The following SLF1 variants were observed in gnomAD, a reference collection of about 807,000 sequenced individuals.
SLF1 encodes SMC5-SMC6 complex localization factor protein 1.
A neutral mutation model predicts 123.0 loss-of-function variants in SLF1; 105 were observed. The observed-to-expected ratio is 0.85, with a 90% CI of 0.73 to 1.00. The LOEUF (loss-of-function observed/expected upper bound fraction) is 1.00. Among genes scored for constraint, SLF1 ranks in the 50% least tolerant of loss-of-function variants. The pLI is 0.00. For synonymous variants in SLF1, 434 were observed against 406.6 expected, an observed-to-expected ratio of 1.07 and a Z score of -0.81; for missense variants, 1,239 against 1,223.0, an observed-to-expected ratio of 1.01 and a Z score of -0.20.
Position 94,678,936 on chromosome 5 carries a change from T to C in SLF1, c.1956T>C (p.Tyr652=), listed in dbSNP as rs755408964. The C allele has an allele frequency of 1.3e-4, 209 of 1,613,200 alleles. No homozygotes were observed. The highest frequency in any genetic ancestry group is 1.7e-4 in the Non-Finnish European group (199 of 1,179,670). ...ACATGTCTGATGACTTAGGAAGTTA[T>C]GTTTCTCTTTCGTGTGATGGTAAGT... ...MRHMSDDLGS[Y]VSLSCDDFSS... Residue 652 remains tyrosine (Y), a synonymous_variant, in exon 15 of 21, where the codon TAT becomes TAC. Coordinates refer to ENST00000265140, the MANE Select transcript of SLF1 (RefSeq NM_032290.4).
At chr5:94,649,078 C>A (rs762278514) in intron 5 of SLF1, among the ~76,000 whole-genome samples, 5 of 152,118 alleles carry the variant, frequency 3.3e-5, no homozygotes. Flanking sequence ...CAGGAAAAAA[C>A]TGAAAAATAA....
chr5:94,691,397 C>T, intron 18 of SLF1, 167 bp from the exon 19 acceptor site: 1 of 214,842 alleles, frequency 4.7e-6, no homozygotes, highest in Non-Finnish European at 9.1e-6. Context: ...CTTCCCACCC[C>T]CCACCCCCGC....
intron 9 of SLF1, among the ~76,000 whole-genome samples, chr5:94,658,038 A>T (rs1748616151): frequency 6.6e-6 from 1 of 151,970 alleles, no homozygotes; most frequent in African/African-American, 2.4e-5. Context: ...TAATCCATCT[A>T]CATTCAAGGT....
Position 94,628,842 on chromosome 5 carries a change from A to G in SLF1, c.32A>G (p.Gln11Arg), listed in dbSNP as rs1744901186. Residue 11 changes from glutamine (Q) to arginine (R), a missense_variant, in exon 2 of 21, where the codon CAG (glutamine) becomes CGG (arginine). By Grantham distance (43) the Gln-to-Arg change is conservative. Transcript: ENST00000265140. The stretch of plus-strand genomic sequence containing the variant: ...GATGGTACCCCAAAGCATATCATCC[A>G]GATGACAGGATTTAAGATGGAAGAA... MEDGTPKHII[Q>R]MTGFKMEEKE... is the part of the protein sequence containing the mutation. 1 of 1,549,376 alleles carries G rather than the reference A, an allele frequency of 6.5e-7. No homozygotes were observed. Among genetic ancestry groups the G allele is most frequent in the African/African-American group, 1.4e-5 (1 of 72,946 alleles).
chr5:94,653,286 A>C lies in SLF1; in HGVS notation c.897A>C (p.Lys299Asn), dbSNP rs142724600. ...AATACATGTAGAAGGAAATTAAGAAAAAAGATGAAGATATTCAGAGGAGTT... is the reference window on the plus strand; with the variant it reads ...AATACATGTAGAAGGAAATTAAGAACAAAGATGAAGATATTCAGAGGAGTT... ...HTYENQKEIK[K>N]KDEDIQRSYT... The change falls in exon 8 of 21, where the codon AAA becomes AAC. Residue 299 changes from lysine (K) to asparagine (N), a missense_variant. Coordinates refer to ENST00000265140, the MANE Select transcript of SLF1 (RefSeq NM_032290.4). 81 of 1,525,892 alleles carry C rather than the reference A, an allele frequency of 5.3e-5. No homozygotes were observed. In the African/African-American group the frequency reaches 7.9e-4, roughly 15 times the overall value. The allele number at this position is 1,525,892 out of a possible 1,614,324, so 94.5% of individuals were successfully genotyped here. A position where few individuals can be genotyped will look rare whatever the true frequency, so the allele number is the denominator to read the frequency against.
rs1297384446 is a variant in SLF1 at position 94,678,645 on chromosome 5, G to A, written c.1828-163G>A. 4 of 555,222 alleles carry A rather than the reference G, an allele frequency of 7.2e-6. No homozygotes were observed. The African/African-American group carries it at 7.6e-5, about 11-fold the overall frequency. The allele number at this position is 555,222 out of a possible 1,614,324, so 34.4% of individuals were successfully genotyped here. On this transcript the variant is annotated intron_variant, in intron 14 of 20. Transcript: ENST00000265140. ...TGTGGAGAGAGAGAGAGATGGAGGG[G>A]AGAGAATTAGTTAGCTAGGGTTCTT...
intron 12 of SLF1, among the ~76,000 whole-genome samples, chr5:94,669,600 A>C (rs1335239955): frequency 6.6e-6 from 1 of 152,104 alleles, no homozygotes; most frequent in East Asian, 1.9e-4. Flanking sequence ...TACAAGCCAC[A>C]TTTCAAGTGT....
Position 94,643,260 on chromosome 5 carries a change from C to T in SLF1, c.432-13C>T, listed in dbSNP as rs1018971728. On this transcript the variant is annotated splice_polypyrimidine_tract_variant and intron_variant, in intron 4 of 20. Coordinates refer to ENST00000265140, the MANE Select transcript of SLF1 (RefSeq NM_032290.4). ...TTTTCTAATACTTTTATACCATTTA[C>T]ATTTTTATTTAGAGTTTTGGAGGCT... 3.5e-5 allele frequency: 53 copies of T among 1,502,052 alleles called. No individual in the cohort carries two copies. The highest frequency in any genetic ancestry group is 7.1e-5 in the African/African-American group (5 of 70,274). 93.0% of individuals were successfully genotyped at this position (1,502,052 alleles called of 1,614,324 possible). A position where few individuals can be genotyped will look rare whatever the true frequency, so the allele number is the denominator to read the frequency against.
intron 1 of SLF1, among the ~76,000 whole-genome samples, chr5:94,619,366 T>C (rs1791415517): frequency 6.6e-6 from 1 of 152,038 alleles, no homozygotes; most frequent in Non-Finnish European, 1.5e-5. Context: ...CATACACACA[T>C]ACACTTTTCG....
At chr5:94,668,240 A>G (rs1290210643) in intron 12 of SLF1, among the ~76,000 whole-genome samples, 1 of 152,044 alleles carries the variant, frequency 6.6e-6, no homozygotes, top group Non-Finnish European at 1.5e-5. Flanking sequence ...TCCTGGGTTC[A>G]GGCCACTCTC....
chr5:94,631,112 A>G (rs1745151064), intron 4 of SLF1, among the ~76,000 whole-genome samples: 1 of 152,110 alleles, frequency 6.6e-6, no homozygotes, highest in Non-Finnish European at 1.5e-5. Flanking sequence ...TGCTGTCTTC[A>G]TTATTCATAC....
chr5:94,672,264 G>A (rs1406245511), intron 14 of SLF1, among the ~76,000 whole-genome samples: 1 of 152,038 alleles, frequency 6.6e-6, no homozygotes, highest in African/African-American at 2.4e-5. Context: ...AGGGTGGAGA[G>A]CTCTGGTATC....
chr5:94,680,611 A>G (rs1448005387), intron 15 of SLF1, among the ~76,000 whole-genome samples: 2 of 152,192 alleles, frequency 1.3e-5, no homozygotes, highest in Non-Finnish European at 2.9e-5. Context: ...AGAGATTATC[A>G]GGATAGTTAG....
chr5:94,653,549 T>G, intron 8 of SLF1, 128 bp downstream of exon 8: 1 of 778,282 alleles, frequency 1.3e-6, no homozygotes, highest in Non-Finnish European at 1.9e-6. Flanking sequence ...TATTCATAGT[T>G]AATATTCCAG....
At chr5:94,650,026 A>G (rs375589007) in intron 6 of SLF1, among the ~76,000 whole-genome samples, 2 of 152,206 alleles carry the variant, frequency 1.3e-5, no homozygotes, top group African/African-American at 2.4e-5. Flanking sequence ...TTGTAAAACA[A>G]TAAAACAGGA....
At chr5:94,641,428 A>G (rs1292948996) in intron 4 of SLF1, among the ~76,000 whole-genome samples, 1 of 152,188 alleles carries the variant, frequency 6.6e-6, no homozygotes, top group Non-Finnish European at 1.5e-5. Flanking sequence ...TATTTTTCTT[A>G]TAAATTACCA....
intron 4 of SLF1, among the ~76,000 whole-genome samples, chr5:94,639,465 A>C (rs1746200993): frequency 6.6e-6 from 1 of 152,066 alleles, no homozygotes; most frequent in African/African-American, 2.4e-5. Flanking sequence ...TGTAATATAT[A>C]CAGTGTCCAT....
chr5:94,650,978 A>G (rs990947513), intron 6 of SLF1, among the ~76,000 whole-genome samples: 6 of 152,234 alleles, frequency 3.9e-5, no homozygotes, highest in Non-Finnish European at 7.3e-5. Flanking sequence ...TCATTAAAAT[A>G]CATCTACAGT....
chr5:94,657,081 C>A (rs1292194895), intron 9 of SLF1, among the ~76,000 whole-genome samples: 1 of 149,622 alleles, frequency 6.7e-6, no homozygotes, highest in Admixed American at 6.6e-5. Flanking sequence ...TTTCCTTCTA[C>A]TAATTTGGGG....
Sources: gnomAD v4.1 joint callset for allele counts (sites outside exome capture counted in the v4.1 genomes callset) on GRCh38, gnomAD v4.1.1 for gene constraint, MANE v1.5 for transcripts, NCBI Gene and HGNC (gene_info 2026-07-23, HGNC 2026-07-21) for gene names.